The following AOPEP variants were observed in gnomAD, a reference collection of about 807,000 sequenced individuals.
AOPEP encodes aminopeptidase O (putative).
Under a neutral mutation model 98.1 loss-of-function variants are expected in AOPEP, and 77 were observed. That is an observed-to-expected ratio of 0.78 (90% confidence interval 0.65 to 0.95). The LOEUF (loss-of-function observed/expected upper bound fraction) is 0.95. Among genes scored for constraint, AOPEP ranks in the 40% least tolerant of loss-of-function variants. The pLI is 0.00. For missense variants in AOPEP, 1,024 were observed against 1,024.7 expected (o/e 1.00, Z 0.01); for synonymous variants, 346 against 365.3 (o/e 0.95, Z 0.60).
chr9:95,037,622 G>GA (rs1472178066), intron 13 of AOPEP, among the ~76,000 whole-genome samples: 1 of 152,106 alleles, frequency 6.6e-6, no homozygotes, highest in Non-Finnish European at 1.5e-5. Flanking sequence ...TCTTATTGCT[G>GA]AAGGACTTAG....
chr9:94,740,768 G>A (rs769610409), intron 1 of AOPEP, among the ~76,000 whole-genome samples: 10 of 152,152 alleles, frequency 6.6e-5, no homozygotes, highest in Non-Finnish European at 8.8e-5. Context: ...GTCCATATCC[G>A]GCTTCATCAG....
intron 3 of AOPEP, 53 bp from the exon 4 acceptor site, chr9:94,792,712 G>A: frequency 2.1e-6 from 3 of 1,430,972 alleles, no homozygotes; most frequent in Non-Finnish European, 2.8e-6. Context: ...TTATACAGCA[G>A]AGCCCAGGAT....
At chr9:95,106,534 T>C in the AOPEP span, among the ~76,000 whole-genome samples, 9 of 152,270 alleles carry the variant, frequency 5.9e-5, no homozygotes, top group Non-Finnish European at 1.5e-5. Context: ...CAAGAAATCA[T>C]TGCCAAATCT....
intron 5 of AOPEP, among the ~76,000 whole-genome samples, chr9:94,920,006 G>T (rs541278137): frequency 6.6e-6 from 1 of 152,124 alleles, no homozygotes; most frequent in Non-Finnish European, 1.5e-5. Context: ...GTAAACTTGC[G>T]GCCAGGCGCA....
intron 1 of AOPEP, among the ~76,000 whole-genome samples, chr9:94,742,892 G>A (rs1833484376): frequency 6.6e-6 from 1 of 152,110 alleles, no homozygotes; most frequent in African/African-American, 2.4e-5. Flanking sequence ...ACCGCAGATT[G>A]TTGGAGAAGC....
chr9:95,094,026 CTTT>C, the AOPEP span, among the ~76,000 whole-genome samples: 11 of 152,186 alleles, frequency 7.2e-5, no homozygotes, highest in African/African-American at 9.7e-5. Flanking sequence ...CAGGCTTTTC[CTTT>C]TTTTCTCTCG....
chr9:95,038,804 A>C (rs1335944394), intron 13 of AOPEP, among the ~76,000 whole-genome samples: 1 of 152,212 alleles, frequency 6.6e-6, no homozygotes, highest in Non-Finnish European at 1.5e-5. Context: ...CTAGGCGGAC[A>C]GGTCTGACCC....
At chr9:95,096,045 TGCCTCTCCGAAGCAGG>T in the AOPEP span, among the ~76,000 whole-genome samples, 1 of 152,180 alleles carries the variant, frequency 6.6e-6, no homozygotes, top group Non-Finnish European at 1.5e-5. Context: ...GCAGCCTCCC[TGCCTCTCCGAAGCAGG>T]GGAACTGCTA....
intron 4 of AOPEP, among the ~76,000 whole-genome samples, chr9:94,795,131 C>T (rs1846630281): frequency 6.6e-6 from 1 of 152,224 alleles, no homozygotes; most frequent in African/African-American, 2.4e-5. Context: ...TATTGAAGCT[C>T]AGCAACTTGT....
chr9:94,801,808 A>G (rs1456522208), intron 5 of AOPEP, among the ~76,000 whole-genome samples: 1 of 152,204 alleles, frequency 6.6e-6, no homozygotes. Flanking sequence ...AAGCTCATCA[A>G]AACATGTGAC....
At chr9:94,914,766 G>A (rs2136542232) in intron 5 of AOPEP, among the ~76,000 whole-genome samples, 1 of 152,134 alleles carries the variant, frequency 6.6e-6, no homozygotes, top group African/African-American at 2.4e-5. Context: ...GTGGTCTCTG[G>A]ACCAGCCACA....
downstream of AOPEP, among the ~76,000 whole-genome samples, chr9:95,092,089 C>T (rs1220969007): frequency 6.6e-6 from 1 of 151,962 alleles, no homozygotes; most frequent in Non-Finnish European, 1.5e-5. Context: ...TGTGCACACA[C>T]ACACACACTA....
At chr9:95,124,962 G>C in the AOPEP span, 2 of 823,128 alleles carry the variant, frequency 2.4e-6, no homozygotes, top group Non-Finnish European at 4.1e-6. Flanking sequence ...CACTCATTAG[G>C]AACCTTTCTT....
At chr9:94,917,380 T>C (rs2052988659) in intron 5 of AOPEP, among the ~76,000 whole-genome samples, 1 of 152,154 alleles carries the variant, frequency 6.6e-6, no homozygotes, top group Admixed American at 6.5e-5. Context: ...CTAAAGCAAA[T>C]GGTGAAGCTG....
intron 10 of AOPEP, among the ~76,000 whole-genome samples, chr9:94,970,703 G>GAA (rs112921633): frequency 3.7e-5 from 5 of 136,770 alleles, no homozygotes; most frequent in African/African-American, 8.0e-5. Flanking sequence ...TTGCTGTCTT[G>GAA]AAAAAAAAAA....
chr9:94,901,201 A>T (rs1033263786), intron 5 of AOPEP, among the ~76,000 whole-genome samples: 7 of 152,234 alleles, frequency 4.6e-5, no homozygotes, highest in Admixed American at 4.6e-4. Context: ...CTCATGTGGA[A>T]TTGACTTATA....
chr9:95,107,117 G>C, the AOPEP span: 2 of 1,614,240 alleles, frequency 1.2e-6, no homozygotes, highest in East Asian at 4.5e-5. Flanking sequence ...CCCAGAGCAG[G>C]AAGTTGAGGA....
At chr9:94,856,753 A>G (rs1176570554) in intron 5 of AOPEP, among the ~76,000 whole-genome samples, 3 of 152,192 alleles carry the variant, frequency 2.0e-5, no homozygotes, top group Admixed American at 6.5e-5. Context: ...CTCATAGGAT[A>G]GATTCATAGT....
At chr9:94,953,815 G>C (rs1270076206) in intron 7 of AOPEP, among the ~76,000 whole-genome samples, 1 of 151,494 alleles carries the variant, frequency 6.6e-6, no homozygotes, top group Non-Finnish European at 1.5e-5. Context: ...GCCGGTTTTA[G>C]AACAGCCGAA....
Sources: gnomAD v4.1 joint callset for allele counts (sites outside exome capture counted in the v4.1 genomes callset) on GRCh38, gnomAD v4.1.1 for gene constraint, MANE v1.5 for transcripts, NCBI Gene and HGNC (gene_info 2026-07-23, HGNC 2026-07-21) for gene names.